PARD3B: variants seen among roughly 807,000 people sequenced by gnomAD.
PARD3B encodes par-3 family cell polarity regulator beta, also known as partitioning defective 3 homolog B.
Under a neutral mutation model 130.2 loss-of-function variants are expected in PARD3B, and 103 were observed. The observed-to-expected ratio is 0.79, with a 90% confidence interval of 0.67 to 0.93. PARD3B has a LOEUF of 0.93. Ranked by LOEUF, PARD3B falls within the 40% of genes least tolerant of loss-of-function variation. The pLI, the probability that PARD3B is intolerant of heterozygous loss-of-function variation, is 0.00. For missense variants in PARD3B, 1,609 were observed against 1,499.2 expected (o/e 1.07, Z -1.21); for synonymous variants, 583 against 553.2 (o/e 1.05, Z -0.76).
chr2:204,983,421 G>T (rs542426222), intron 3 of PARD3B, among the ~76,000 whole-genome samples: 2 of 144,428 alleles, frequency 1.4e-5, no homozygotes, highest in East Asian at 2.2e-4. Context: ...GGAGAGGAAG[G>T]GGGGAGGAGA....
chr2:204,772,375 G>A (rs1432336980), intron 2 of PARD3B, among the ~76,000 whole-genome samples: 3 of 152,022 alleles, frequency 2.0e-5, no homozygotes, highest in Admixed American at 6.6e-5. Flanking sequence ...GAGAAGAAAA[G>A]TCAGAGTTTG....
intron 2 of PARD3B, among the ~76,000 whole-genome samples, chr2:204,772,772 T>A (rs1328287904): frequency 6.6e-6 from 1 of 152,180 alleles, no homozygotes; most frequent in East Asian, 1.9e-4. Flanking sequence ...ATGCAACAAA[T>A]GGAAAATGAT....
chr2:205,070,404 T>A (rs959069387), intron 4 of PARD3B, among the ~76,000 whole-genome samples: 2 of 151,978 alleles, frequency 1.3e-5, no homozygotes, highest in Non-Finnish European at 2.9e-5. Context: ...CTATGTCTTT[T>A]ACATCTCTAT....
chr2:205,362,603 C>T (rs1038348180), intron 18 of PARD3B, among the ~76,000 whole-genome samples: 2 of 152,168 alleles, frequency 1.3e-5, no homozygotes, highest in East Asian at 3.9e-4. Context: ...ACAGACATAA[C>T]AAGGGCCTAT....
chr2:204,902,295 G>C (rs2046889207), intron 2 of PARD3B, among the ~76,000 whole-genome samples: 1 of 152,170 alleles, frequency 6.6e-6, no homozygotes, highest in Admixed American at 6.5e-5. Flanking sequence ...AGGGGTTAAA[G>C]TTGAGACTCG....
intron 19 of PARD3B, among the ~76,000 whole-genome samples, chr2:205,432,755 A>C (rs1272552130): frequency 1.3e-5 from 2 of 152,112 alleles, no homozygotes; most frequent in African/African-American, 4.8e-5. Context: ...ATGTGTAGCT[A>C]GTAGCTGCTG....
At chr2:205,419,590 A>G (rs569378152) in intron 19 of PARD3B, among the ~76,000 whole-genome samples, 3 of 152,310 alleles carry the variant, frequency 2.0e-5, no homozygotes, top group African/African-American at 7.2e-5. Context: ...GACTGCCAGA[A>G]AAAAACAAGT....
intron 3 of PARD3B, among the ~76,000 whole-genome samples, chr2:204,999,104 CTT>C (rs199531116): frequency 6.2e-5 from 9 of 144,146 alleles, no homozygotes; most frequent in Admixed American, 6.9e-5. Flanking sequence ...TGCTTTCTTA[CTT>C]TTTTTTTTTT....
At chr2:204,957,197 A>C (rs1347860316) in intron 2 of PARD3B, among the ~76,000 whole-genome samples, 1 of 152,192 alleles carries the variant, frequency 6.6e-6, no homozygotes, top group African/African-American at 2.4e-5. Context: ...AATGTGATTC[A>C]ATATAAGATG....
chr2:204,764,354 G>A (rs927824559), intron 2 of PARD3B, among the ~76,000 whole-genome samples: 10 of 152,136 alleles, frequency 6.6e-5, no homozygotes, highest in African/African-American at 2.2e-4. Flanking sequence ...TCCATTGTGA[G>A]CATGTCTGGG....
intron 2 of PARD3B, among the ~76,000 whole-genome samples, chr2:204,913,670 T>C (rs926361089): frequency 6.6e-6 from 1 of 152,146 alleles, no homozygotes; most frequent in Non-Finnish European, 1.5e-5. Flanking sequence ...AAAATCATCA[T>C]GGAAAAAGAA....
Position 204,919,511 on chromosome 2 carries a change from C to G in PARD3B, c.223-45641C>G, listed in dbSNP as rs116755063. ...TAAGTGAAATTATATGGTATGTATT[C>G]ATTTGTATAAGGCTTCTTTGTTCAG... On this transcript the variant is annotated intron_variant, in intron 2 of 22. Coordinates refer to ENST00000406610, the MANE Select transcript of PARD3B (RefSeq NM_001302769.2). 3.7e-3 allele frequency among the ~76,000 whole-genome samples: 562 copies of G among 152,238 alleles called. 5 individuals are homozygous for G. The highest frequency in any genetic ancestry group is 0.013 in the African/African-American group (542 of 41,556).
chr2:205,581,430 T>A (rs996526482), intron 22 of PARD3B, among the ~76,000 whole-genome samples: 2 of 145,332 alleles, frequency 1.4e-5, no homozygotes, highest in African/African-American at 5.0e-5. Context: ...TATATAAATA[T>A]ATATAAATAT....
intron 22 of PARD3B, among the ~76,000 whole-genome samples, chr2:205,566,713 G>A (rs2053348959): frequency 6.6e-6 from 1 of 152,144 alleles, no homozygotes; most frequent in Non-Finnish European, 1.5e-5. Flanking sequence ...GTGTATTCAT[G>A]AAAACTGAGC....
intron 4 of PARD3B, among the ~76,000 whole-genome samples, chr2:205,094,014 A>T (rs1438250327): frequency 6.6e-6 from 1 of 152,080 alleles, no homozygotes; most frequent in Non-Finnish European, 1.5e-5. Context: ...AGAACCCACG[A>T]TGGTGTAGCC....
chr2:204,876,476 CA>C (rs965776911), intron 2 of PARD3B, among the ~76,000 whole-genome samples: 3 of 152,152 alleles, frequency 2.0e-5, no homozygotes, highest in African/African-American at 7.2e-5. Context: ...TGATTTTATG[CA>C]AAAAATTTAG....
At position 205,122,787 on chromosome 2, in the gene PARD3B, A is replaced by G. The variant is rs1288342317; in HGVS notation, c.1165+838A>G. On this transcript the variant is annotated intron_variant, in intron 8 of 22. Coordinates refer to ENST00000406610, the MANE Select transcript of PARD3B (RefSeq NM_001302769.2). The surrounding 1 kb of genome is among the most constrained non-coding windows in gnomAD (Gnocchi z 4.3). ...AAAAACAAATAATGTATCATCATTTAGGATATGAAAATTATTCTGGAAAGA... is the reference window on the plus strand; with the variant it reads ...AAAAACAAATAATGTATCATCATTTGGGATATGAAAATTATTCTGGAAAGA... 1.3e-5 allele frequency among the ~76,000 whole-genome samples: 2 copies of G among 152,248 alleles called. No individual in the cohort carries two copies. The highest frequency in any genetic ancestry group is 3.8e-4 in the East Asian group (2 of 5,202).
chr2:205,272,170 AAAG>A (rs1348357382), intron 16 of PARD3B, among the ~76,000 whole-genome samples: 1 of 152,052 alleles, frequency 6.6e-6, no homozygotes, highest in Non-Finnish European at 1.5e-5. Flanking sequence ...AAAAAAAAAA[AAAG>A]AAGATGCTTT....
intron 22 of PARD3B, among the ~76,000 whole-genome samples, chr2:205,583,258 T>C (rs1431127018): frequency 6.6e-6 from 1 of 152,228 alleles, no homozygotes; most frequent in East Asian, 1.9e-4. Context: ...ACAGAGCAGT[T>C]CACATTTGCT....
Sources: gnomAD v4.1 joint callset for allele counts (sites outside exome capture counted in the v4.1 genomes callset) on GRCh38, gnomAD v4.1.1 for gene constraint, Gnocchi (gnomAD v3.1) non-coding constraint, MANE v1.5 for transcripts, NCBI Gene and HGNC (gene_info 2026-07-23, HGNC 2026-07-21) for gene names.